The following NHSL1 variants were observed in gnomAD, a reference collection of about 807,000 sequenced individuals.
NHSL1 encodes NHS-like protein 1.
Under a neutral mutation model 95.0 loss-of-function variants are expected in NHSL1, and 48 were observed. The ratio of observed to expected loss-of-function variants is 0.51; its 90% CI spans 0.40 to 0.64. The LOEUF is 0.64. Ranked by LOEUF, NHSL1 falls within the 30% of genes least tolerant of loss-of-function variation. NHSL1 has a pLI of 0.00. For missense variants in NHSL1, 1,971 were observed against 2,077.7 expected, an observed-to-expected ratio of 0.95 and a Z score of 1.00; for synonymous variants, 783 against 833.9, an observed-to-expected ratio of 0.94 and a Z score of 1.05.
intron 1 of NHSL1, among the ~76,000 whole-genome samples, chr6:138,595,850 T>A (rs1221511515): frequency 3.3e-5 from 5 of 152,286 alleles, no homozygotes; most frequent in African/African-American, 1.2e-4. Flanking sequence ...GAGGTTGCCA[T>A]GCCACCCTTG....
chr6:138,533,065 T>A (rs1187589808), intron 1 of NHSL1, among the ~76,000 whole-genome samples: 1 of 152,136 alleles, frequency 6.6e-6, no homozygotes, highest in African/African-American at 2.4e-5. Flanking sequence ...TGAGTAATAA[T>A]CAACTCGCTT....
At chr6:138,567,625 A>C (rs1186221425) in intron 1 of NHSL1, among the ~76,000 whole-genome samples, 1 of 152,130 alleles carries the variant, frequency 6.6e-6, no homozygotes, top group Non-Finnish European at 1.5e-5. Context: ...CTATTTTATT[A>C]GGAGAAAAAC....
At chr6:138,582,724 G>A (rs1784080099) in intron 1 of NHSL1, among the ~76,000 whole-genome samples, 1 of 152,088 alleles carries the variant, frequency 6.6e-6, no homozygotes, top group African/African-American at 2.4e-5. Flanking sequence ...CCTTCAATCT[G>A]TCCTCCCTAC....
chr6:138,568,610 T>C (rs1424831780), intron 1 of NHSL1, among the ~76,000 whole-genome samples: 1 of 152,210 alleles, frequency 6.6e-6, no homozygotes, highest in African/African-American at 2.4e-5. Flanking sequence ...GGGATGGGAT[T>C]CAAGAGAATT....
rs368676947 is a variant in NHSL1 at position 138,433,368 on chromosome 6, G to A, written c.977C>T (p.Pro326Leu). 4.1e-5 allele frequency: 63 copies of A among 1,552,178 alleles called. No individual in the cohort carries two copies. Among genetic ancestry groups the A allele is most frequent in the East Asian group, 1.2e-4 (5 of 40,904 alleles). Residue 326 changes from proline to leucine, a missense_variant, in exon 6 of 8, where the codon CCG becomes CTG. Physicochemically the swap from Pro to Leu is moderately conservative, Grantham distance 98 (BLOSUM62 -3). Coordinates refer to ENST00000343505, the MANE Select transcript of NHSL1 (RefSeq NM_001144060.2). ...LDSDAGFHSL[P>L]RSGARANIQS... ...AATGTTTGCCCTTGCTCCAGAACGC[G>A]GAAGACTATGGAAGCCAGCATCACT...
Position 138,434,473 on chromosome 6 carries a change from G to A in NHSL1, c.665-793C>T, listed in dbSNP as rs551259946. Among the ~76,000 whole-genome samples the A allele has an allele frequency of 3.9e-4, 58 of 150,528 alleles. No homozygotes were observed. In the East Asian group the frequency reaches 4.1e-3, roughly 11 times the overall value. On this transcript the variant is annotated intron_variant, in intron 5 of 7. Transcript: ENST00000343505. ...AGGGCCAACAGAGAGGGACGTGGAC[G>A]AGGTAAACTTTAAGTGTAAACAGTT...
chr6:138,675,876 CA>C (rs1239217798), intron 1 of NHSL1, among the ~76,000 whole-genome samples: 1 of 152,218 alleles, frequency 6.6e-6, no homozygotes, highest in East Asian at 1.9e-4. Flanking sequence ...TGTAGGTCTA[CA>C]TATCTATATT....
rs139930050 is a variant in NHSL1, at chr6:138,543,142, T to C, written c.16+2481A>G. ...ATCATATTATTCGCTATTAATCATA[T>C]TATTTGATTAGCCATAATTCACTTC... On this transcript the variant is annotated intron_variant, in intron 1 of 4. Coordinates refer to the NHSL1 transcript ENST00000342260. Among the ~76,000 whole-genome samples, 870 of 152,274 alleles carry C rather than the reference T, an allele frequency of 5.7e-3. 22 individuals are homozygous for C. The highest frequency in any genetic ancestry group is 0.048 in the Admixed American group (731 of 15,276).
rs893351157 is a variant in NHSL1 at position 138,423,915 on chromosome 6, C to G, written c.*166G>C. On this transcript the variant is annotated 3_prime_UTR_variant, in exon 8 of 8. Coordinates refer to ENST00000343505, the MANE Select transcript of NHSL1 (RefSeq NM_001144060.2). ...CCACAGGGCAAGTGCCAGGTGAGTC[C>G]TAAATAACCGTTCACTCACACTGCA... 1 of 560,214 alleles carries G rather than the reference C, an allele frequency of 1.8e-6. No individual in the cohort carries two copies. The highest frequency in any genetic ancestry group is 2.7e-6 in the Non-Finnish European group (1 of 374,106). The allele number at this position is 560,214 out of a possible 1,614,324, so 34.7% of individuals were successfully genotyped here.
chr6:138,525,562 A>AATAG (rs1303156409), intron 1 of NHSL1, among the ~76,000 whole-genome samples: 1 of 150,088 alleles, frequency 6.7e-6, no homozygotes, highest in South Asian at 2.1e-4. Context: ...TAAATAAATA[A>AATAG]ATAAATAAAT....
At chr6:138,497,470 A>G (rs1780424003) in intron 1 of NHSL1, among the ~76,000 whole-genome samples, 1 of 152,220 alleles carries the variant, frequency 6.6e-6, no homozygotes, top group Non-Finnish European at 1.5e-5. Context: ...GGGCGTATCC[A>G]TGTCCCCAAC....
Position 138,430,474 on chromosome 6 carries a change from G to C in NHSL1, c.3871C>G (p.Pro1291Ala), listed in dbSNP as rs1427060737. 6.4e-7 allele frequency: 1 copy of C among 1,550,484 alleles called. No individual in the cohort carries two copies. Among genetic ancestry groups the C allele is most frequent in the African/African-American group, 1.4e-5 (1 of 72,974 alleles). The change falls in exon 6 of 8, where the codon CCC becomes GCC. Residue 1291 changes from proline to alanine, a missense_variant. Physicochemically the swap from Pro to Ala is conservative, Grantham distance 27. This residue lies in a region of NHSL1 where 1,602 missense variants were observed against 1,654.5 expected (regional missense o/e 0.97). Transcript: ENST00000343505. The surrounding 1 kb of genome is among the most constrained non-coding windows in gnomAD (Gnocchi z 4.7). ...PMVQPDVSPAPKQEEPAENSA... is the reference protein window; with the variant it reads ...PMVQPDVSPAAKQEEPAENSA... Reference sequence around the variant, plus strand: ...TTCTCGGCTGGCTCCTCCTGCTTGGGGGCTGGTGAGACATCAGGCTGAACC... The same window carrying C: ...TTCTCGGCTGGCTCCTCCTGCTTGGCGGCTGGTGAGACATCAGGCTGAACC...
intron 1 of NHSL1, among the ~76,000 whole-genome samples, chr6:138,685,705 A>C (rs1036746499): frequency 3.3e-5 from 5 of 151,958 alleles, no homozygotes; most frequent in Non-Finnish European, 4.4e-5. Flanking sequence ...TAAATAAATA[A>C]TTTTTTAATG....
chr6:138,640,056 C>T (rs1437103205), intron 1 of NHSL1, among the ~76,000 whole-genome samples: 1 of 151,852 alleles, frequency 6.6e-6, no homozygotes, highest in East Asian at 1.9e-4. Context: ...GTGTTACATG[C>T]GAATTGGTAA....
intron 1 of NHSL1, among the ~76,000 whole-genome samples, chr6:138,519,202 G>C (rs1267325486): frequency 1.3e-5 from 2 of 151,148 alleles, no homozygotes; most frequent in Non-Finnish European, 2.9e-5. Context: ...CATGTGTATA[G>C]TAACAACTAA....
At chr6:138,552,809 A>T (rs1783057753) in intron 1 of NHSL1, among the ~76,000 whole-genome samples, 1 of 152,118 alleles carries the variant, frequency 6.6e-6, no homozygotes. Flanking sequence ...AACTCCACTC[A>T]TTTCCTCAGA....
At chr6:138,467,786 C>T (rs947721393) in intron 3 of NHSL1, among the ~76,000 whole-genome samples, 4 of 152,158 alleles carry the variant, frequency 2.6e-5, no homozygotes, top group African/African-American at 4.8e-5. Context: ...TATCTTTGTA[C>T]AGCTATACAA....
intron 7 of NHSL1, among the ~76,000 whole-genome samples, chr6:138,427,517 A>G (rs760376864): frequency 3.9e-5 from 6 of 152,156 alleles, no homozygotes; most frequent in Non-Finnish European, 7.3e-5. Context: ...GCAGGTGCCC[A>G]CTAAAATAAT....
At chr6:138,449,543 G>T (rs4052932) in intron 3 of NHSL1, among the ~76,000 whole-genome samples, 1 of 152,090 alleles carries the variant, frequency 6.6e-6, no homozygotes, top group Non-Finnish European at 1.5e-5. Context: ...TGGGCGTGGT[G>T]GTGTGCACCC....
Sources: allele counts gnomAD v4.1 joint callset (sites outside exome capture counted in the v4.1 genomes callset), GRCh38; gene constraint gnomAD v4.1.1; regional missense constraint gnomAD v4.1.1; non-coding constraint Gnocchi (gnomAD v3.1); transcripts MANE v1.5; gene names NCBI Gene and HGNC (gene_info 2026-07-23, HGNC 2026-07-21).